The following LRRC56 variants were observed in gnomAD, a reference collection of about 807,000 sequenced individuals.
The protein encoded by LRRC56 is leucine-rich repeat-containing protein 56.
LRRC56 carries 41 observed loss-of-function variants against 47.8 expected under a neutral mutation model. That is an observed-to-expected ratio of 0.86 (90% CI 0.67 to 1.11). The LOEUF (loss-of-function observed/expected upper bound fraction) is 1.11, where lower values mean the gene tolerates loss of function less well. Among genes scored for constraint, LRRC56 ranks in the 50% most tolerant of loss-of-function variants. The pLI is 0.00. For missense variants in LRRC56, 759 were observed against 704.2 expected (o/e 1.08, Z -0.88); for synonymous variants, 387 against 311.2 (o/e 1.24, Z -2.56).
At chr11:526,626 TAC>T in the LRRC56 span, among the ~76,000 whole-genome samples, 3 of 152,190 alleles carry the variant, frequency 2.0e-5, no homozygotes, top group Non-Finnish European at 4.4e-5. Context: ...CAACCTGTGC[TAC>T]ATCCCTACAA....
the LRRC56 span, among the ~76,000 whole-genome samples, chr11:517,651 G>C: frequency 6.6e-6 from 1 of 152,250 alleles, no homozygotes; most frequent in African/African-American, 2.4e-5. Flanking sequence ...CGTCTGGGAA[G>C]TGTACCCAAC....
chr11:520,884 C>G, the LRRC56 span, among the ~76,000 whole-genome samples: 2 of 152,148 alleles, frequency 1.3e-5, no homozygotes, highest in African/African-American at 4.8e-5. Flanking sequence ...CGCACCCACC[C>G]GCCAGCTGCT....
intron 6 of LRRC56, 79 bp from the exon 7 acceptor site, chr11:549,823 C>T: frequency 1.6e-6 from 2 of 1,280,020 alleles, no homozygotes; most frequent in Non-Finnish European, 2.3e-6. Flanking sequence ...CTGCCCCTAC[C>T]CCTGAAGACA....
chr11:538,782 CA>C lies in LRRC56; in HGVS notation c.-236del, dbSNP rs1214229135. 1 of 152,300 alleles carries C rather than the reference CA, an allele frequency of 6.6e-6. No individual in the cohort carries two copies. The highest frequency in any genetic ancestry group is 1.5e-5 in the Non-Finnish European group (1 of 68,086). The allele number at this position is 152,300 out of a possible 1,614,324, so 9.4% of individuals were successfully genotyped here. A position where few individuals can be genotyped will look rare whatever the true frequency, so the allele number is the denominator to read the frequency against. Reference sequence around the variant, plus strand: ...CATCCCCTCCTGCGACTGTGGACAGCAGAGGAGCACGCAGGCCACGTGCAGG... The same window carrying C: ...CATCCCCTCCTGCGACTGTGGACAGCGAGGAGCACGCAGGCCACGTGCAGG... On this transcript the variant is annotated 5_prime_UTR_variant, in exon 2 of 14. It introduces an in-frame stop codon into an upstream open reading frame of the 5' UTR. Coordinates refer to ENST00000270115, the MANE Select transcript of LRRC56 (RefSeq NM_198075.4).
upstream of LRRC56, chr11:536,818 G>A (rs1183872959): frequency 6.6e-6 from 1 of 152,286 alleles, no homozygotes; most frequent in Non-Finnish European, 1.5e-5. Context: ...CCAGTCCAGC[G>A]CCCGCCTCGC....
intron 3 of LRRC56, 33 bp from the exon 4 acceptor site, chr11:540,641 G>A: frequency 6.3e-7 from 1 of 1,588,038 alleles, no homozygotes; most frequent in Non-Finnish European, 8.6e-7. Flanking sequence ...AGGAGCAACA[G>A]CGTGGAGCTT....
At chr11:510,763 G>T in the LRRC56 span, among the ~76,000 whole-genome samples, 1 of 151,916 alleles carries the variant, frequency 6.6e-6, no homozygotes, top group East Asian at 1.9e-4. Context: ...AAAAAAATGA[G>T]CTGGGCGTGG....
At chr11:533,643 G>A (rs1201339339), upstream of LRRC56, 5 of 1,613,424 alleles carry the variant, frequency 3.1e-6, no homozygotes, top group East Asian at 2.2e-5. Flanking sequence ...GCTGGCTACG[G>A]GGGCTGCAGG....
the LRRC56 span, among the ~76,000 whole-genome samples, chr11:513,136 CTGTTT>C: frequency 6.6e-6 from 1 of 152,228 alleles, no homozygotes; most frequent in Non-Finnish European, 1.5e-5. Context: ...CCGCTTCAAG[CTGTTT>C]TGTTTTGTTT....
chr11:507,515 T>C, the LRRC56 span, among the ~76,000 whole-genome samples: 1 of 151,998 alleles, frequency 6.6e-6, no homozygotes, highest in Non-Finnish European at 1.5e-5. Context: ...GTTGTGGGCC[T>C]CGCACTGGCA....
chr11:554,100 TG>T lies in LRRC56; in HGVS notation c.1458del (p.Pro487LeufsTer13). ...RGRRLRVLGS[W>X]GPGLGDGVAA... ...GCGTCGGCTCCGAGTCCTGGGCAGC[TG>T]GGGGCCTGGCCTGGGTGATGGGGTG... On this transcript the variant is annotated frameshift_variant, in exon 14 of 14. Coordinates refer to ENST00000270115, the MANE Select transcript of LRRC56 (RefSeq NM_198075.4). LOFTEE classifies it low-confidence loss of function (END_TRUNC). The T allele has an allele frequency of 6.2e-7, 1 of 1,607,032 alleles. No individual in the cohort carries two copies.
the LRRC56 span, among the ~76,000 whole-genome samples, chr11:528,297 A>T: frequency 6.6e-6 from 1 of 152,174 alleles, no homozygotes; most frequent in Admixed American, 6.5e-5. Context: ...ATGTGATCCG[A>T]CGGGCAGGCG....
the LRRC56 span, among the ~76,000 whole-genome samples, chr11:519,280 A>C: frequency 7.1e-6 from 1 of 140,856 alleles, no homozygotes. Flanking sequence ...ACGCGGGCTG[A>C]TACACAGGTG....
chr11:520,568 C>G, the LRRC56 span, among the ~76,000 whole-genome samples: 1 of 152,208 alleles, frequency 6.6e-6, no homozygotes, highest in South Asian at 2.1e-4. Context: ...ATCCGCCCAC[C>G]TCAGCCTCCC....
At chr11:521,724 C>G in the LRRC56 span, among the ~76,000 whole-genome samples, 1 of 152,138 alleles carries the variant, frequency 6.6e-6, no homozygotes, top group Non-Finnish European at 1.5e-5. Flanking sequence ...ACCATCCTGG[C>G]TAACACGATG....
At chr11:508,995 A>C in the LRRC56 span, among the ~76,000 whole-genome samples, 1 of 152,158 alleles carries the variant, frequency 6.6e-6, no homozygotes, top group Non-Finnish European at 1.5e-5. Flanking sequence ...CAGTGAGCCA[A>C]GATCGTGCCA....
Position 551,259 on chromosome 11 carries a change from G to A in LRRC56, c.753G>A (p.Ala251=), listed in dbSNP as rs745790300. The A allele has an allele frequency of 1.4e-5, 21 of 1,540,010 alleles. No homozygotes were observed. Among genetic ancestry groups the A allele is most frequent in the Middle Eastern group, 1.7e-4 (1 of 5,970 alleles). The stretch of plus-strand genomic sequence containing the variant: ...CGCGGCTGAGCCAGGACTGGCTTGC[G>A]GTGAAGGAGGCCATCAAGAAGGGCA... ...APPRLSQDWL[A]VKEAIKKGNG... is the part of the protein sequence containing the mutation. Residue 251 remains alanine (A), a synonymous_variant, in exon 9 of 14, where the codon GCG becomes GCA. Transcript: ENST00000270115.
chr11:549,119 T>G (rs4963136), intron 6 of LRRC56, among the ~76,000 whole-genome samples: 121,610 of 151,996 alleles, frequency 0.8, 48,979 homozygotes, highest in East Asian at 0.91. Flanking sequence ...GTGGGCGGAA[T>G]GAAGCCCAGG....
the LRRC56 span, among the ~76,000 whole-genome samples, chr11:511,655 C>T: frequency 6.6e-6 from 1 of 152,220 alleles, no homozygotes; most frequent in Non-Finnish European, 1.5e-5. Flanking sequence ...AGAAAGCAGA[C>T]CAGTCGGCAG....
Sources: allele counts gnomAD v4.1 joint callset (sites outside exome capture counted in the v4.1 genomes callset), GRCh38; gene constraint gnomAD v4.1.1; transcripts MANE v1.5; gene names NCBI Gene and HGNC (gene_info 2026-07-23, HGNC 2026-07-21).